NAALADL2: variants seen among roughly 807,000 people sequenced by gnomAD.
NAALADL2 encodes the protein inactive N-acetylated-alpha-linked acidic dipeptidase-like protein 2.
In NAALADL2, 76 loss-of-function variants were observed where a neutral mutation model predicts 87.2. The observed-to-expected ratio is 0.87, with a 90% CI of 0.72 to 1.05. NAALADL2 has a LOEUF of 1.05. Among genes scored for constraint, NAALADL2 ranks in the 50% least tolerant of loss-of-function variants. The probability of loss-of-function intolerance (pLI) is 0.00; values close to 1 mark genes in which losing one functional copy is unlikely to be tolerated. For missense variants in NAALADL2, 1,089 were observed against 945.8 expected (o/e 1.15, Z -1.99); for synonymous variants, 354 against 331.0 (o/e 1.07, Z -0.75).
chr3:174,975,769 A>T (rs934600041), intron 1 of NAALADL2, among the ~76,000 whole-genome samples: 2 of 152,198 alleles, frequency 1.3e-5, no homozygotes, highest in Non-Finnish European at 2.9e-5. Context: ...GTGGGTGACT[A>T]CTTACTGAGA....
rs550559505 is a variant in NAALADL2, at chr3:175,447,752, T to A, written c.1234+380T>A. On this transcript the variant is annotated intron_variant, in intron 6 of 13. Transcript: ENST00000454872. Reference sequence around the variant, plus strand: ...GCAACTATCTGGGGTATGAAGTCTTTTAGTATAAAGCATTAAAGCCTAATT... The same window carrying A: ...GCAACTATCTGGGGTATGAAGTCTTATAGTATAAAGCATTAAAGCCTAATT... Among the ~76,000 whole-genome samples, 8 of 152,288 alleles carry A rather than the reference T, an allele frequency of 5.3e-5. No homozygotes were observed. In the South Asian group the frequency reaches 1.7e-3, roughly 32 times the overall value.
chr3:175,257,640 A>ATG (rs1750228202), intron 4 of NAALADL2, among the ~76,000 whole-genome samples: 2 of 152,324 alleles, frequency 1.3e-5, no homozygotes, highest in African/African-American at 4.8e-5. Flanking sequence ...ATGATGTGAC[A>ATG]AAATATTAGA....
At chr3:175,139,677 T>C (rs62283006) in intron 2 of NAALADL2, among the ~76,000 whole-genome samples, 32,232 of 129,598 alleles carry the variant, frequency 0.25, 3,952 homozygotes, top group South Asian at 0.37. Context: ...TAACCCTATC[T>C]TCAGTTGAAA....
At chr3:175,243,509 T>G (rs1747351141) in intron 3 of NAALADL2, among the ~76,000 whole-genome samples, 1 of 149,642 alleles carries the variant, frequency 6.7e-6, no homozygotes, top group Non-Finnish European at 1.5e-5. Flanking sequence ...CCATAGAAAT[T>G]TGCAAATGCT....
intron 4 of NAALADL2, among the ~76,000 whole-genome samples, chr3:175,260,361 A>G (rs906479708): frequency 1.3e-5 from 2 of 152,134 alleles, no homozygotes; most frequent in African/African-American, 4.8e-5. Context: ...CCTCTCTGCA[A>G]CCCTGTAATT....
intron 1 of NAALADL2, among the ~76,000 whole-genome samples, chr3:175,011,377 A>G (rs1425429601): frequency 6.6e-6 from 1 of 152,052 alleles, no homozygotes; most frequent in African/African-American, 2.4e-5. Context: ...ATGTGTAATC[A>G]TTGACCCAGC....
chr3:175,136,196 A>G (rs1729087666), intron 2 of NAALADL2, among the ~76,000 whole-genome samples: 2 of 152,122 alleles, frequency 1.3e-5, no homozygotes, highest in Non-Finnish European at 2.9e-5. Flanking sequence ...TTGCAGTGTA[A>G]GAGGAGAAAG....
At chr3:174,518,332 G>A (rs139675262) in intron 1 of NAALADL2, among the ~76,000 whole-genome samples, 8 of 152,194 alleles carry the variant, frequency 5.3e-5, no homozygotes, top group Admixed American at 4.6e-4. Context: ...AATACTTTCT[G>A]TTTAATACTT....
At chr3:174,801,778 AATATG>A (rs746377358) in intron 3 of NAALADL2, among the ~76,000 whole-genome samples, 19 of 138,614 alleles carry the variant, frequency 1.4e-4, no homozygotes, top group Middle Eastern at 7.1e-3. Context: ...AAAATATTTT[AATATG>A]ATATATATAT....
intron 3 of NAALADL2, among the ~76,000 whole-genome samples, chr3:174,850,000 T>A (rs1725071089): frequency 6.6e-6 from 1 of 152,188 alleles, no homozygotes; most frequent in Admixed American, 6.5e-5. Context: ...TGAGTTTTTA[T>A]AACTTCAGGT....
intron 2 of NAALADL2, among the ~76,000 whole-genome samples, chr3:175,198,568 T>C (rs1739346405): frequency 6.6e-6 from 1 of 152,074 alleles, no homozygotes; most frequent in South Asian, 2.1e-4. Flanking sequence ...GTTAGTACTC[T>C]TTTCACAATG....
intron 1 of NAALADL2, among the ~76,000 whole-genome samples, chr3:174,998,528 T>G (rs1357695013): frequency 6.6e-6 from 1 of 152,218 alleles, no homozygotes; most frequent in Non-Finnish European, 1.5e-5. Context: ...CCTCCATCAC[T>G]AAATTTTGGG....
chr3:175,444,489 G>C (rs1720352934), intron 5 of NAALADL2, among the ~76,000 whole-genome samples: 1 of 152,128 alleles, frequency 6.6e-6, no homozygotes. Context: ...TACCTCAGTA[G>C]GTTGTACAAC....
intron 4 of NAALADL2, among the ~76,000 whole-genome samples, chr3:175,293,546 C>T (rs950867651): frequency 9.2e-5 from 14 of 152,168 alleles, no homozygotes; most frequent in Admixed American, 7.2e-4. Flanking sequence ...CCTCCAAATT[C>T]CAACATTGAA....
At chr3:175,458,624 A>G (rs906098362) in intron 6 of NAALADL2, among the ~76,000 whole-genome samples, 1 of 149,150 alleles carries the variant, frequency 6.7e-6, no homozygotes, top group African/African-American at 2.5e-5. Flanking sequence ...GAACATATCA[A>G]TATCAAGTTT....
intron 5 of NAALADL2, among the ~76,000 whole-genome samples, chr3:175,345,627 C>T (rs1763073208): frequency 1.3e-5 from 2 of 152,120 alleles, no homozygotes; most frequent in Admixed American, 1.3e-4. Flanking sequence ...AGGCACCACT[C>T]CAACTTGATC....
chr3:175,274,141 C>T (rs1753250659), intron 4 of NAALADL2, among the ~76,000 whole-genome samples: 2 of 151,962 alleles, frequency 1.3e-5, no homozygotes, highest in African/African-American at 4.8e-5. Context: ...GCCTCACAAT[C>T]AAGGCAGATG....
intron 1 of NAALADL2, among the ~76,000 whole-genome samples, chr3:174,487,910 T>C (rs1717956160): frequency 6.6e-6 from 1 of 151,988 alleles, no homozygotes; most frequent in South Asian, 2.1e-4. Context: ...AGTTTTGCAG[T>C]AGTCACCAGG....
At chr3:174,442,141 G>GC (rs1714701088) in intron 1 of NAALADL2, among the ~76,000 whole-genome samples, 1 of 152,150 alleles carries the variant, frequency 6.6e-6, no homozygotes, top group Non-Finnish European at 1.5e-5. Context: ...GTGCTGACTG[G>GC]TGACAGGTTA....
Sources: gnomAD v4.1 joint callset for allele counts (sites outside exome capture counted in the v4.1 genomes callset) on GRCh38, gnomAD v4.1.1 for gene constraint, MANE v1.5 for transcripts, NCBI Gene and HGNC (gene_info 2026-07-23, HGNC 2026-07-21) for gene names.